The following LINGO2 variants were observed in gnomAD, a reference collection of about 807,000 sequenced individuals.
LINGO2 encodes the protein leucine rich repeat and Ig domain containing 2.
A neutral mutation model predicts 30.6 loss-of-function variants in LINGO2; 14 were observed. The observed-to-expected ratio is 0.46, with a 90% CI of 0.30 to 0.72. LINGO2 has a LOEUF of 0.72. Ranked by LOEUF, LINGO2 falls within the 30% of genes least tolerant of loss-of-function variation. The pLI, the probability that LINGO2 is intolerant of heterozygous loss-of-function variation, is 0.07. For synonymous variants in LINGO2, 317 were observed against 288.5 expected, an observed-to-expected ratio of 1.10 and a Z score of -1.00; for missense variants, 729 against 751.7, an observed-to-expected ratio of 0.97 and a Z score of 0.35.
chr9:28,091,308 C>T (rs1826077817), intron 4 of LINGO2, among the ~76,000 whole-genome samples: 2 of 152,194 alleles, frequency 1.3e-5, no homozygotes, highest in Admixed American at 6.5e-5. Context: ...TACCTGACTT[C>T]AAACTATACT....
chr9:28,965,841 T>C, the LINGO2 span, among the ~76,000 whole-genome samples: 1 of 152,048 alleles, frequency 6.6e-6, no homozygotes, highest in South Asian at 2.1e-4. Flanking sequence ...AATATAAATA[T>C]ATCCATGTGG....
intron 4 of LINGO2, among the ~76,000 whole-genome samples, chr9:28,272,278 G>C (rs1048389866): frequency 1.3e-5 from 2 of 152,058 alleles, no homozygotes; most frequent in African/African-American, 4.8e-5. Flanking sequence ...AAATACTTCA[G>C]GGGCCTCCCT....
chr9:28,419,517 T>A (rs1481209834), intron 2 of LINGO2, among the ~76,000 whole-genome samples: 1 of 151,862 alleles, frequency 6.6e-6, no homozygotes, highest in Non-Finnish European at 1.5e-5. Context: ...GTCCATCTTG[T>A]CCTTAAACAT....
At chr9:28,385,911 T>A (rs186384512) in intron 2 of LINGO2, among the ~76,000 whole-genome samples, 16 of 152,268 alleles carry the variant, frequency 1.1e-4, no homozygotes, top group Admixed American at 2.0e-4. Flanking sequence ...AATAACACAA[T>A]TCAATATATA....
intron 5 of LINGO2, among the ~76,000 whole-genome samples, chr9:27,982,007 C>G (rs1016549429): frequency 6.6e-6 from 1 of 151,854 alleles, no homozygotes; most frequent in Non-Finnish European, 1.5e-5. Context: ...GCAGACACCA[C>G]GCTCTTGTCT....
the LINGO2 span, among the ~76,000 whole-genome samples, chr9:28,906,124 G>A: frequency 6.6e-6 from 1 of 152,002 alleles, no homozygotes; most frequent in South Asian, 2.1e-4. Context: ...AGAAGCAGAG[G>A]GTAGAAATGG....
chr9:28,257,105 CT>C (rs1275857535), intron 4 of LINGO2, among the ~76,000 whole-genome samples: 1 of 147,342 alleles, frequency 6.8e-6, no homozygotes, highest in Non-Finnish European at 1.5e-5. Context: ...TTTTTTTTTT[CT>C]GACATAAATG....
intron 4 of LINGO2, among the ~76,000 whole-genome samples, chr9:28,172,384 C>T (rs1828628171): frequency 1.4e-5 from 2 of 147,890 alleles, no homozygotes; most frequent in African/African-American, 5.1e-5. Context: ...GAGCGAGACT[C>T]CGTCTCAAAA....
At chr9:28,890,651 T>G in the LINGO2 span, among the ~76,000 whole-genome samples, 2 of 152,084 alleles carry the variant, frequency 1.3e-5, no homozygotes, top group African/African-American at 4.8e-5. Flanking sequence ...AATAACCTCC[T>G]CATTATGTGG....
At chr9:28,885,360 T>TATATAC in the LINGO2 span, among the ~76,000 whole-genome samples, 1 of 144,140 alleles carries the variant, frequency 6.9e-6, no homozygotes, top group African/African-American at 2.6e-5. Context: ...TATATATATA[T>TATATAC]ACACACACAC....
the LINGO2 span, among the ~76,000 whole-genome samples, chr9:28,852,047 A>G: frequency 6.6e-6 from 1 of 151,914 alleles, no homozygotes; most frequent in Non-Finnish European, 1.5e-5. Flanking sequence ...GCACTCAGGA[A>G]ATTATCAAAA....
At chr9:27,940,841 G>C in the LINGO2 span, 1 of 152,128 alleles carries the variant, frequency 6.6e-6, no homozygotes, top group Non-Finnish European at 1.5e-5. Context: ...GTTTAGCTTC[G>C]AGTTCATTAT....
intron 1 of LINGO2, among the ~76,000 whole-genome samples, chr9:28,483,099 G>C (rs1463738508): frequency 6.6e-6 from 1 of 152,008 alleles, no homozygotes; most frequent in African/African-American, 2.4e-5. Flanking sequence ...CAAGGTATTG[G>C]AATCCCATTT....
the LINGO2 span, among the ~76,000 whole-genome samples, chr9:28,930,300 G>C: frequency 6.6e-6 from 1 of 152,126 alleles, no homozygotes; most frequent in Non-Finnish European, 1.5e-5. The surrounding 1 kb of genome is among the most constrained non-coding windows in gnomAD (Gnocchi z 4.2). Context: ...GAATTCCTAA[G>C]AGAAGACTGT....
intron 3 of LINGO2, among the ~76,000 whole-genome samples, chr9:28,337,798 G>A (rs1825637874): frequency 6.6e-6 from 1 of 152,146 alleles, no homozygotes; most frequent in Non-Finnish European, 1.5e-5. Context: ...ATTGAGGTTT[G>A]GGAACATCCA....
the LINGO2 span, among the ~76,000 whole-genome samples, chr9:28,837,661 C>CATATATATATATAT: frequency 2.2e-5 from 2 of 89,402 alleles, no homozygotes; most frequent in Non-Finnish European, 4.0e-5. Flanking sequence ...TATATATATA[C>CATATATATATATAT]ATATATATAT....
the LINGO2 span, among the ~76,000 whole-genome samples, chr9:28,779,966 C>CT: frequency 3.3e-5 from 5 of 151,902 alleles, no homozygotes; most frequent in African/African-American, 1.2e-4. Context: ...TGTTTAATGC[C>CT]TTTTTTCTTC....
the LINGO2 span, chr9:27,940,900 A>G: frequency 6.6e-6 from 1 of 152,208 alleles, no homozygotes; most frequent in African/African-American, 2.4e-5. Flanking sequence ...TATTGGGATC[A>G]TCTTATCCCT....
chr9:28,949,646 A>G, the LINGO2 span, among the ~76,000 whole-genome samples: 2 of 152,102 alleles, frequency 1.3e-5, no homozygotes, highest in Non-Finnish European at 2.9e-5. Context: ...AAAGCCCAGG[A>G]CCAGATGGAT....
Sources: allele counts gnomAD v4.1 joint callset (sites outside exome capture counted in the v4.1 genomes callset), GRCh38; gene constraint gnomAD v4.1.1; non-coding constraint Gnocchi (gnomAD v3.1); transcripts MANE v1.5; gene names NCBI Gene and HGNC (gene_info 2026-07-23, HGNC 2026-07-21).